The following RBFOX2 variants were observed in gnomAD, a reference collection of about 807,000 sequenced individuals.
RBFOX2 encodes the protein RNA binding protein fox-1 homolog 2.
In RBFOX2, 10 loss-of-function variants were observed where a neutral mutation model predicts 49.1. That is an observed-to-expected ratio of 0.20 (90% confidence interval 0.13 to 0.35). RBFOX2 has a LOEUF of 0.35. RBFOX2 is among the 10% of genes least tolerant of loss of function. The pLI, the probability that RBFOX2 is intolerant of heterozygous loss-of-function variation, is 1.00. For missense variants in RBFOX2, 323 were observed against 486.9 expected (o/e 0.66, Z 3.17); for synonymous variants, 183 against 187.4 (o/e 0.98, Z 0.19).
At chr22:35,773,882 A>G (rs916100861) in intron 4 of RBFOX2, among the ~76,000 whole-genome samples, 1 of 152,142 alleles carries the variant, frequency 6.6e-6, no homozygotes, top group African/African-American at 2.4e-5. Context: ...TAACTTTTGA[A>G]TAAAACAAGT....
intron 1 of RBFOX2, chr22:35,996,737 C>T (rs974681428): frequency 2.0e-5 from 3 of 151,994 alleles, no homozygotes; most frequent in African/African-American, 7.3e-5. Flanking sequence ...TGAGATCTAG[C>T]AGAGAAATAG....
At chr22:36,012,395 T>A (rs555012327) in intron 1 of RBFOX2, among the ~76,000 whole-genome samples, 1 of 152,208 alleles carries the variant, frequency 6.6e-6, no homozygotes, top group East Asian at 1.9e-4. Context: ...TCTTTCAGGG[T>A]TGTTGAAGAG....
exon 12 of RBFOX2, chr22:35,744,094 TG>T: frequency 1.1e-6 from 1 of 929,844 alleles, no homozygotes; most frequent in Non-Finnish European, 1.5e-6. Flanking sequence ...TTTGTTTGTT[TG>T]TTTGTTTTTC....
At chr22:35,909,065 A>G (rs1420630704) in intron 1 of RBFOX2, among the ~76,000 whole-genome samples, 1 of 152,152 alleles carries the variant, frequency 6.6e-6, no homozygotes, top group Non-Finnish European at 1.5e-5. Flanking sequence ...GATGGTCTCG[A>G]TCTCCTGACC....
At chr22:36,028,613 C>G (rs991159673) in exon 1 of RBFOX2, among the ~76,000 whole-genome samples, 10 of 149,618 alleles carry the variant, frequency 6.7e-5, no homozygotes, top group Non-Finnish European at 1.3e-4. Flanking sequence ...TGCCTGACCG[C>G]TTGCTCCCCG....
intron 9 of RBFOX2, among the ~76,000 whole-genome samples, chr22:35,751,687 A>T (rs1270302417): frequency 1.3e-5 from 2 of 152,198 alleles, no homozygotes; most frequent in Non-Finnish European, 2.9e-5. Flanking sequence ...TGATACCGTC[A>T]CTGCTTTTGA....
At chr22:35,985,134 C>CTT (rs901923439) in intron 1 of RBFOX2, among the ~76,000 whole-genome samples, 3 of 152,162 alleles carry the variant, frequency 2.0e-5, no homozygotes, top group African/African-American at 7.2e-5. Flanking sequence ...AGAAAGGAGA[C>CTT]TTTATCACAT....
chr22:35,919,668 A>G (rs574733149), intron 1 of RBFOX2, among the ~76,000 whole-genome samples: 2 of 152,328 alleles, frequency 1.3e-5, no homozygotes, highest in South Asian at 4.1e-4. Context: ...CACACTTTAA[A>G]TGGGTGAACT....
chr22:35,805,214 C>T (rs1013276065), intron 2 of RBFOX2, among the ~76,000 whole-genome samples: 2 of 144,888 alleles, frequency 1.4e-5, no homozygotes, highest in South Asian at 2.2e-4. Context: ...GGCGTGAACC[C>T]GGGAGGCGGA....
At chr22:35,753,230 A>G (rs1935617914) in intron 9 of RBFOX2, among the ~76,000 whole-genome samples, 1 of 152,232 alleles carries the variant, frequency 6.6e-6, no homozygotes, top group African/African-American at 2.4e-5. Context: ...ATGCTGACAG[A>G]TTTCCACAGA....
chr22:35,771,113 C>G (rs1243865890), intron 4 of RBFOX2, among the ~76,000 whole-genome samples: 1 of 152,144 alleles, frequency 6.6e-6, no homozygotes, highest in Non-Finnish European at 1.5e-5. Flanking sequence ...TGTCCACATC[C>G]TAATCCCCAG....
At chr22:35,822,181 G>C (rs1156714059) in intron 1 of RBFOX2, among the ~76,000 whole-genome samples, 1 of 152,180 alleles carries the variant, frequency 6.6e-6, no homozygotes, top group Non-Finnish European at 1.5e-5. Flanking sequence ...TCTATGACTT[G>C]TGTCTTGTAT....
chr22:35,890,479 A>C (rs759733892), intron 1 of RBFOX2, among the ~76,000 whole-genome samples: 17 of 152,206 alleles, frequency 1.1e-4, no homozygotes, highest in Non-Finnish European at 2.2e-4. Context: ...TGGTTTCTTT[A>C]TCTCTCTCAA....
At chr22:35,849,043 T>C (rs1333314292) in intron 1 of RBFOX2, among the ~76,000 whole-genome samples, 1 of 152,120 alleles carries the variant, frequency 6.6e-6, no homozygotes, top group African/African-American at 2.4e-5. Context: ...TTCAACAAGT[T>C]AACAAATAAG....
intron 1 of RBFOX2, among the ~76,000 whole-genome samples, chr22:36,017,432 G>C (rs2059081595): frequency 6.6e-6 from 1 of 152,174 alleles, no homozygotes; most frequent in Non-Finnish European, 1.5e-5. Context: ...GGAGGCTGAG[G>C]TAGGAGAATT....
intron 1 of RBFOX2, among the ~76,000 whole-genome samples, chr22:35,896,865 C>G (rs1405294627): frequency 1.3e-5 from 2 of 152,132 alleles, no homozygotes; most frequent in Non-Finnish European, 2.9e-5. Context: ...ACTGAGATAG[C>G]CTGTTTTCTA....
At chr22:35,917,802 T>TA (rs1334595628) in intron 1 of RBFOX2, among the ~76,000 whole-genome samples, 2 of 152,158 alleles carry the variant, frequency 1.3e-5, no homozygotes, top group Non-Finnish European at 2.9e-5. Flanking sequence ...AACTCTCAAA[T>TA]ACACCTTAAA....
chr22:35,886,685 A>G (rs2046620524), intron 1 of RBFOX2, among the ~76,000 whole-genome samples: 1 of 152,252 alleles, frequency 6.6e-6, no homozygotes, highest in South Asian at 2.1e-4. Flanking sequence ...GACAGTAAAG[A>G]TACAATTGTT....
At chr22:35,797,545 A>AT (rs569136817) in intron 2 of RBFOX2, among the ~76,000 whole-genome samples, 21 of 152,250 alleles carry the variant, frequency 1.4e-4, no homozygotes, top group African/African-American at 4.1e-4. Context: ...AGTGAACGTG[A>AT]TTTTTTTGTT....
Sources: gnomAD v4.1 joint callset for allele counts (sites outside exome capture counted in the v4.1 genomes callset) on GRCh38, gnomAD v4.1.1 for gene constraint, MANE v1.5 for transcripts, NCBI Gene and HGNC (gene_info 2026-07-23, HGNC 2026-07-21) for gene names.